Variants in KRT84 observed in about 807,000 individuals in gnomAD.
KRT84 encodes keratin, type II cuticular Hb4.
Under a neutral mutation model 49.0 loss-of-function variants are expected in KRT84, and 38 were observed. The ratio of observed to expected loss-of-function variants is 0.78; its 90% CI spans 0.60 to 1.02. The LOEUF is 1.02. KRT84 is among the 50% of genes least tolerant of loss of function. KRT84 has a pLI of 0.00. For synonymous variants in KRT84, 334 were observed against 312.8 expected (o/e 1.07, Z -0.72); for missense variants, 860 against 788.6 (o/e 1.09, Z -1.08).
At chr12:52,384,914 C>A in intron 1 of KRT84, 126 bp downstream of exon 1, 5 of 994,932 alleles carry the variant, frequency 5.0e-6, no homozygotes, top group South Asian at 1.7e-5. Context: ...CTGAGGTAGG[C>A]ACTTGAAAGA....
Position 52,381,076 on chromosome 12 carries a change from C to T in KRT84, c.1203+4G>A, listed in dbSNP as rs765434351. On this transcript the variant is annotated splice_donor_region_variant and intron_variant, in intron 6 of 8. Transcript: ENST00000257951. ...TGAGGCTTTCCCTCCTTTCCTTTGC[C>T]CACCTGAGCCTTGGCGTGCTCAATC... 1.3e-5 allele frequency: 21 copies of T among 1,613,432 alleles called. No homozygotes were observed. Among genetic ancestry groups the T allele is most frequent in the Non-Finnish European group, 1.8e-5 (21 of 1,179,688 alleles).
In KRT84 at chr12:52,385,451, C is replaced by G; in HGVS notation, c.135G>C (p.Arg45=). 1.2e-6 allele frequency: 2 copies of G among 1,614,182 alleles called. No homozygotes were observed. Among genetic ancestry groups the G allele is most frequent in the Non-Finnish European group, 1.7e-6 (2 of 1,180,026 alleles). The change falls in exon 1 of 9, where the codon CGG becomes CGC. Residue 45 remains arginine, a synonymous_variant. Transcript: ENST00000257951. ...SVSCWSGPGF[R]GLGSFGSRSV... is the part of the protein sequence containing the mutation. ...TCCGACTACCAAAGCTGCCAAGGCC[C>G]CGGAATCCAGGCCCACTCCAACAGG...
chr12:52,386,606 G>C (rs186420673), upstream of KRT84, among the ~76,000 whole-genome samples: 2 of 152,082 alleles, frequency 1.3e-5, no homozygotes. Flanking sequence ...TGTATAGAAA[G>C]CTAACTACAT....
intron 3 of KRT84, 110 bp downstream of exon 3, chr12:52,382,895 A>T (rs1732297): frequency 1.2e-6 from 1 of 842,630 alleles, no homozygotes; most frequent in Non-Finnish European, 2.1e-6. Context: ...CACTGTCTTG[A>T]TGTGAGTAGT....
intron 1 of KRT84, among the ~76,000 whole-genome samples, chr12:52,384,772 C>T (rs537735578): frequency 5.3e-5 from 8 of 152,290 alleles, no homozygotes; most frequent in Non-Finnish European, 1.0e-4. Flanking sequence ...TCGAGATGCC[C>T]TCGAGTTTGG....
rs1939523641 is a variant in KRT84 at position 52,383,664 on chromosome 12, C to T, written c.681G>A (p.Val227=). The change falls in exon 2 of 9, where the codon GTG becomes GTA. Residue 227 remains valine, a synonymous_variant. Transcript: ENST00000257951. ...YITNLRRQLE[V]LVSDQARLQA... is the part of the protein sequence containing the mutation. ...GGAGCCGGGCCTGATCACTGACCAG[C>T]ACCTCCAACTGCCTCCGCAGGTTGG... 2 of 1,614,064 alleles carry T rather than the reference C, an allele frequency of 1.2e-6. No individual in the cohort carries two copies. The highest frequency in any genetic ancestry group is 1.7e-6 in the Non-Finnish European group (2 of 1,180,060).
In KRT84 at chr12:52,378,285, T is replaced by C. The variant is rs1053591122; in HGVS notation, c.1552A>G (p.Ser518Gly). 1.3e-6 allele frequency: 2 copies of C among 1,546,874 alleles called. No individual in the cohort carries two copies. The highest frequency in any genetic ancestry group is 3.9e-5 in the Admixed American group (2 of 51,354). ...SRGGVTFSGS[S>G]SVCATSGVLA... ...ACCCCACTGGTGGCACAGACGCTGC[T>C]GCTACCTGAGAAGGTGACCCCGCCG... The change falls in exon 9 of 9, where the codon AGC (serine) becomes GGC (glycine). Residue 518 changes from serine (S) to glycine (G), a missense_variant. By Grantham distance (56) the Ser-to-Gly change is moderately conservative (BLOSUM62 0). Coordinates refer to ENST00000257951, the MANE Select transcript of KRT84 (RefSeq NM_033045.4).
intron 4 of KRT84, among the ~76,000 whole-genome samples, chr12:52,381,864 C>T (rs981377081): frequency 3.9e-5 from 6 of 152,198 alleles, no homozygotes; most frequent in African/African-American, 1.2e-4. Context: ...AGTGGCTGGG[C>T]TGGTCACAGA....
chr12:52,386,266 G>C (rs890501601), upstream of KRT84, among the ~76,000 whole-genome samples: 1 of 152,172 alleles, frequency 6.6e-6, no homozygotes, highest in East Asian at 1.9e-4. Flanking sequence ...GAGACACTCA[G>C]AGATATTCAT....
Position 52,378,134 on chromosome 12 carries a change from C to A in KRT84, c.1703G>T (p.Cys568Phe). 1 of 1,561,488 alleles carries A rather than the reference C, an allele frequency of 6.4e-7. No homozygotes were observed. Among genetic ancestry groups the A allele is most frequent in the Non-Finnish European group, 8.6e-7 (1 of 1,156,146 alleles). Residue 568 changes from cysteine to phenylalanine, a missense_variant, in exon 9 of 9, where the codon TGC becomes TTC. Coordinates refer to ENST00000257951, the MANE Select transcript of KRT84 (RefSeq NM_033045.4). The stretch of plus-strand genomic sequence containing the variant: ...GAAGCCCCCCTGGGTGGGCAGGGGG[C>A]AGGGGACGCTGGGGACACAGGCCTC... ...ISEACVPSVPCPLPTQGGFSS... is the reference protein window; with the variant it reads ...ISEACVPSVPFPLPTQGGFSS...
At chr12:52,385,739 A>G, upstream of KRT84, 1 of 731,450 alleles carries the variant, frequency 1.4e-6, no homozygotes, top group South Asian at 1.9e-5. Context: ...ATTTGCAGGC[A>G]TTTATGAGCT....
chr12:52,385,295 A>C lies in KRT84; in HGVS notation c.291T>G (p.Pro97=), dbSNP rs751609816. ...CCAGACCAACACAGCTGTCAGCCCT[A>C]GGCCCCAGACCAACACCTCTCCCAT... ...FGDGRGVGLG[P]RADSCVGLGF... Residue 97 remains proline (P), a synonymous_variant, in exon 1 of 9, where the codon CCT becomes CCG. Coordinates refer to ENST00000257951, the MANE Select transcript of KRT84 (RefSeq NM_033045.4). 1.2e-6 allele frequency: 2 copies of C among 1,614,118 alleles called. No individual in the cohort carries two copies. The highest frequency in any genetic ancestry group is 1.7e-6 in the Non-Finnish European group (2 of 1,180,032).
chr12:52,380,474 T>A lies in KRT84; in HGVS notation c.1313A>T (p.Lys438Met). The A allele has an allele frequency of 6.2e-7, 1 of 1,614,146 alleles. No individual in the cohort carries two copies. Among genetic ancestry groups the A allele is most frequent in the Non-Finnish European group, 8.5e-7 (1 of 1,179,956 alleles). Residue 438 changes from lysine to methionine, a missense_variant, in exon 7 of 9, where the codon AAG becomes ATG. Lys to Met is a moderately conservative substitution (Grantham distance 95, BLOSUM62 -1). Coordinates refer to ENST00000257951, the MANE Select transcript of KRT84 (RefSeq NM_033045.4). ...GCACAGCTGCCGCGCCATGTCCTGC[T>A]TGGCCTGCTGCAGGGCACACTCCAG... The part of the protein sequence containing the change: ...ADLECALQQA[K>M]QDMARQLCEY...
intron 2 of KRT84, 71 bp from the exon 3 acceptor site, chr12:52,383,136 A>AG: frequency 7.9e-7 from 1 of 1,270,624 alleles, no homozygotes. Context: ...CTCCCCAGTG[A>AG]ACCTTGCAAG....
intron 8 of KRT84, 68 bp from the exon 9 acceptor site, chr12:52,378,448 G>C (rs1266347793): frequency 7.0e-6 from 9 of 1,289,078 alleles, no homozygotes; most frequent in Non-Finnish European, 9.2e-6. Flanking sequence ...CTACCCCTGG[G>C]CTGCACCTCC....
In KRT84 at chr12:52,381,125, G is replaced by A; in HGVS notation, c.1158C>T (p.Arg386=). 1 of 1,614,098 alleles carries A rather than the reference G, an allele frequency of 6.2e-7. No individual in the cohort carries two copies. Among genetic ancestry groups the A allele is most frequent in the East Asian group, 2.2e-5 (1 of 44,882 alleles). ...NIRNEINELT[R]LIQRLKAEIE... ...TCTCTGCCTTAAGCCTCTGGATCAG[G>A]CGGGTCAGTTCGTTGATCTCGTTCC... Residue 386 remains arginine, a synonymous_variant, in exon 6 of 9, where the codon CGC becomes CGT. Coordinates refer to ENST00000257951, the MANE Select transcript of KRT84 (RefSeq NM_033045.4).
At chr12:52,383,450 C>T in intron 2 of KRT84, 140 bp downstream of exon 2, 1 of 566,200 alleles carries the variant, frequency 1.8e-6, no homozygotes, top group Non-Finnish European at 3.1e-6. Context: ...CATATCTCTA[C>T]CCACCCCCAC....
chr12:52,386,469 G>C (rs915448923), upstream of KRT84, among the ~76,000 whole-genome samples: 1 of 149,870 alleles, frequency 6.7e-6, no homozygotes, highest in Non-Finnish European at 1.5e-5. Flanking sequence ...TGATCCTCCC[G>C]CCTCCGCCTC....
At chr12:52,378,824 C>T (rs61915728) in intron 8 of KRT84, among the ~76,000 whole-genome samples, 1 of 152,296 alleles carries the variant, frequency 6.6e-6, no homozygotes, top group Admixed American at 6.5e-5. Flanking sequence ...ACAGGAAACC[C>T]CTCCAACACT....
Sources: gnomAD v4.1 joint callset for allele counts (sites outside exome capture counted in the v4.1 genomes callset) on GRCh38, gnomAD v4.1.1 for gene constraint, MANE v1.5 for transcripts, NCBI Gene and HGNC (gene_info 2026-07-23, HGNC 2026-07-21) for gene names.